The following SPATA31H1 variants were observed in gnomAD, a reference collection of about 807,000 sequenced individuals.
SPATA31H1 encodes the protein spermatogenesis-associated protein 31H1.
the SPATA31H1 span, chr2:27,582,112 GTCCCTC>G: frequency 6.2e-7 from 1 of 1,613,918 alleles, no homozygotes; most frequent in South Asian, 1.1e-5. Context: ...AGAAGTCACA[GTCCCTC>G]AGAGAAGAGC....
At chr2:27,569,377 C>G in the SPATA31H1 span, 105 of 398,814 alleles carry the variant, frequency 2.6e-4, no homozygotes, top group Non-Finnish European at 4.5e-4. Flanking sequence ...CCTCAAGTTG[C>G]TAAGACCCAG....
chr2:27,564,592 G>A, the SPATA31H1 span, among the ~76,000 whole-genome samples: 2 of 152,054 alleles, frequency 1.3e-5, no homozygotes, highest in Non-Finnish European at 2.9e-5. Flanking sequence ...CGAGGTGGGC[G>A]GATCACCTCA....
the SPATA31H1 span, among the ~76,000 whole-genome samples, chr2:27,553,062 G>A: frequency 6.6e-5 from 10 of 152,172 alleles, no homozygotes; most frequent in Non-Finnish European, 1.0e-4. Flanking sequence ...TAGACCCACC[G>A]GAGTGAAGGA....
chr2:27,581,846 T>A, the SPATA31H1 span: 5 of 1,610,354 alleles, frequency 3.1e-6, no homozygotes, highest in East Asian at 1.1e-4. Flanking sequence ...AGAGAAGCCA[T>A]TGCAGTCCCT....
At chr2:27,539,007 A>G in the SPATA31H1 span, among the ~76,000 whole-genome samples, 6 of 151,656 alleles carry the variant, frequency 4.0e-5, no homozygotes, top group Non-Finnish European at 5.9e-5. Flanking sequence ...TTGGATGTGG[A>G]AGGTGTTGCA....
the SPATA31H1 span, among the ~76,000 whole-genome samples, chr2:27,552,068 C>T: frequency 5.9e-5 from 9 of 152,004 alleles, no homozygotes; most frequent in Admixed American, 5.9e-4. Flanking sequence ...CCCGCCTTGG[C>T]CTCCCAAAGT....
chr2:27,575,578 A>G, the SPATA31H1 span: 2 of 398,538 alleles, frequency 5.0e-6, no homozygotes. This position sits in a 1 kb window ranked among gnomAD's most constrained non-coding sequence, Gnocchi z 4.1. Flanking sequence ...CCTGAGCTTC[A>G]AGGTATAAAA....
the SPATA31H1 span, chr2:27,574,458 C>T: frequency 5.0e-6 from 2 of 398,462 alleles, no homozygotes; most frequent in Non-Finnish European, 8.9e-6. Flanking sequence ...CCCACAGTTA[C>T]AAGATATAAA....
the SPATA31H1 span, among the ~76,000 whole-genome samples, chr2:27,556,708 T>C: frequency 7.5e-6 from 1 of 133,546 alleles, no homozygotes; most frequent in Non-Finnish European, 1.6e-5. Flanking sequence ...TTTTTTTTAA[T>C]TAATTTATTT....
chr2:27,576,913 A>G, the SPATA31H1 span: 1 of 1,614,140 alleles, frequency 6.2e-7, no homozygotes, highest in Non-Finnish European at 8.5e-7. Flanking sequence ...ACAAATTATC[A>G]AATCATGGAA....
the SPATA31H1 span, chr2:27,577,594 A>C: frequency 6.2e-7 from 1 of 1,614,192 alleles, no homozygotes; most frequent in African/African-American, 1.3e-5. The surrounding 1 kb of genome is among the most constrained non-coding windows in gnomAD (Gnocchi z 4.5). Flanking sequence ...AAGTCATTAC[A>C]TCACGTCCCA....
At chr2:27,578,958 C>A in the SPATA31H1 span, 4 of 1,613,820 alleles carry the variant, frequency 2.5e-6, no homozygotes, top group East Asian at 6.7e-5. Context: ...TCCTTTGGCC[C>A]TTCATAATCA....
the SPATA31H1 span, among the ~76,000 whole-genome samples, chr2:27,540,469 G>A: frequency 5.5e-5 from 7 of 126,168 alleles, no homozygotes; most frequent in Admixed American, 2.2e-4. Flanking sequence ...CAGTAGGGGC[G>A]GCCGGGCAGA....
chr2:27,576,936 A>T, the SPATA31H1 span: 8 of 1,614,058 alleles, frequency 5.0e-6, no homozygotes, highest in Non-Finnish European at 6.8e-6. Context: ...CTCTGAACTA[A>T]TCCCTAGACC....
At chr2:27,574,449 C>T in the SPATA31H1 span, 9 of 398,340 alleles carry the variant, frequency 2.3e-5, no homozygotes, top group African/African-American at 1.4e-4. Context: ...GGAATCAGGC[C>T]CACAGTTACA....
At chr2:27,568,164 A>G in the SPATA31H1 span, 1 of 398,916 alleles carries the variant, frequency 2.5e-6, no homozygotes. Flanking sequence ...ACATCCATGT[A>G]TAGAATCAGT....
chr2:27,553,709 G>T, the SPATA31H1 span, among the ~76,000 whole-genome samples: 1 of 151,764 alleles, frequency 6.6e-6, no homozygotes, highest in Non-Finnish European at 1.5e-5. Context: ...ATCACCTGAG[G>T]TCAGGAGTTC....
the SPATA31H1 span, chr2:27,567,965 A>G: frequency 2.5e-6 from 1 of 399,074 alleles, no homozygotes; most frequent in Non-Finnish European, 4.4e-6. Flanking sequence ...CCATGGAAAC[A>G]GTGAGCATAA....
chr2:27,554,730 T>C, the SPATA31H1 span, among the ~76,000 whole-genome samples: 32 of 152,030 alleles, frequency 2.1e-4, no homozygotes, highest in Non-Finnish European at 1.2e-4. Context: ...TGTGCCATCA[T>C]GCCCGGCTAA....
Sources: gnomAD v4.1 joint callset for allele counts (sites outside exome capture counted in the v4.1 genomes callset) on GRCh38, gnomAD v4.1.1 for gene constraint, Gnocchi (gnomAD v3.1) non-coding constraint, MANE v1.5 for transcripts, NCBI Gene and HGNC (gene_info 2026-07-23, HGNC 2026-07-21) for gene names.